Variants in MAD1L1 observed in about 807,000 individuals in gnomAD.
MAD1L1 encodes mitotic spindle assembly checkpoint protein MAD1.
A neutral mutation model predicts 96.9 loss-of-function variants in MAD1L1; 95 were observed. That is an observed-to-expected ratio of 0.98 (90% CI 0.83 to 1.16). The LOEUF (loss-of-function observed/expected upper bound fraction) is 1.16. MAD1L1 is among the 50% of genes most tolerant of loss of function. The pLI is 0.00. For missense variants in MAD1L1, 1,007 were observed against 954.4 expected (o/e 1.06, Z -0.73); for synonymous variants, 473 against 396.6 (o/e 1.19, Z -2.29).
chr7:1,867,540 TGAGTAGGA>T (rs1784835790), intron 18 of MAD1L1, among the ~76,000 whole-genome samples: 1 of 152,166 alleles, frequency 6.6e-6, no homozygotes, highest in Non-Finnish European at 1.5e-5. Flanking sequence ...AGGTGTGCAG[TGAGTAGGA>T]GCGAGGTGGG....
intron 11 of MAD1L1, among the ~76,000 whole-genome samples, chr7:2,072,981 CT>C (rs1383331156): frequency 6.6e-6 from 1 of 152,250 alleles, no homozygotes; most frequent in African/African-American, 2.4e-5. Flanking sequence ...AGAGCCCAGG[CT>C]CCCGGCACTT....
intron 11 of MAD1L1, among the ~76,000 whole-genome samples, chr7:2,111,728 G>T (rs1363317826): frequency 6.6e-6 from 1 of 152,196 alleles, no homozygotes; most frequent in East Asian, 1.9e-4. Flanking sequence ...GCCCTGTGGG[G>T]GCAGCTAAGC....
At chr7:2,099,594 G>A (rs377066478) in intron 11 of MAD1L1, among the ~76,000 whole-genome samples, 5 of 145,540 alleles carry the variant, frequency 3.4e-5, no homozygotes, top group African/African-American at 9.8e-5. Flanking sequence ...GAGCGTGGAC[G>A]GAAGTGAGCG....
chr7:1,935,878 G>A (rs563574995), intron 17 of MAD1L1, among the ~76,000 whole-genome samples: 2 of 152,248 alleles, frequency 1.3e-5, no homozygotes, highest in African/African-American at 4.8e-5. Context: ...CTCTAACACA[G>A]GAGCAAGGGG....
chr7:1,929,597 T>C (rs1021471904), intron 17 of MAD1L1, among the ~76,000 whole-genome samples: 2 of 152,056 alleles, frequency 1.3e-5, no homozygotes, highest in Non-Finnish European at 2.9e-5. Context: ...GGCCTCTTTA[T>C]GTGTTTCTGT....
chr7:1,851,538 C>G (rs1367055543), intron 18 of MAD1L1, among the ~76,000 whole-genome samples: 1 of 152,150 alleles, frequency 6.6e-6, no homozygotes. Flanking sequence ...GGCCCCGGGA[C>G]AGCACGGCTA....
intron 12 of MAD1L1, among the ~76,000 whole-genome samples, chr7:2,019,553 T>G (rs1245857719): frequency 2.0e-5 from 3 of 152,196 alleles, no homozygotes; most frequent in Non-Finnish European, 4.4e-5. Flanking sequence ...GCACCAGGAT[T>G]AATAAGTACA....
intron 6 of MAD1L1, among the ~76,000 whole-genome samples, chr7:2,218,575 C>T (rs957126092): frequency 2.6e-5 from 4 of 152,274 alleles, no homozygotes; most frequent in African/African-American, 9.6e-5. Context: ...TTCCCAGCCA[C>T]GCCCCCTCCA....
chr7:2,057,284 G>T (rs548803738), intron 12 of MAD1L1, among the ~76,000 whole-genome samples: 6 of 152,332 alleles, frequency 3.9e-5, no homozygotes, highest in Admixed American at 6.5e-5. Context: ...CCAGCACGTC[G>T]GGAAGCCAAG....
At chr7:2,186,584 T>C (rs1791469628) in intron 10 of MAD1L1, among the ~76,000 whole-genome samples, 1 of 152,186 alleles carries the variant, frequency 6.6e-6, no homozygotes, top group South Asian at 2.1e-4. Context: ...TCTGTACTGT[T>C]TGAGCTTTCT....
chr7:1,909,454 A>T (rs1349882307), intron 17 of MAD1L1, among the ~76,000 whole-genome samples: 1 of 152,244 alleles, frequency 6.6e-6, no homozygotes, highest in East Asian at 1.9e-4. Flanking sequence ...ATTAGCAGCC[A>T]TGGGCATGGG....
intron 10 of MAD1L1, among the ~76,000 whole-genome samples, chr7:2,153,853 G>A (rs1352191796): frequency 6.6e-6 from 1 of 152,220 alleles, no homozygotes; most frequent in African/African-American, 2.4e-5. Flanking sequence ...ATGCTATCCG[G>A]CCGTAAGAAA....
rs964997462 is a variant in MAD1L1, at chr7:2,108,959, G to A, written c.1074-39621C>T. On this transcript the variant is annotated intron_variant, in intron 11 of 18. Coordinates refer to ENST00000265854, the MANE Select transcript of MAD1L1 (RefSeq NM_001013836.2). Reference sequence around the variant, plus strand: ...CCGCGAGGGCTCGCAGGAAGAGCACGGGACAGACCAAACAGGCGCTACCAA... The same window carrying A: ...CCGCGAGGGCTCGCAGGAAGAGCACAGGACAGACCAAACAGGCGCTACCAA... 1.2e-4 allele frequency among the ~76,000 whole-genome samples: 18 copies of A among 152,240 alleles called. No homozygotes were observed. The East Asian group carries it at 2.3e-3, about 20-fold the overall frequency.
chr7:2,139,056 GC>G (rs1788894498), intron 11 of MAD1L1, among the ~76,000 whole-genome samples: 1 of 152,098 alleles, frequency 6.6e-6, no homozygotes, highest in South Asian at 2.1e-4. Flanking sequence ...CTCAGCAGAC[GC>G]CCCGGTACCG....
At chr7:2,171,743 G>A (rs545305017) in intron 10 of MAD1L1, among the ~76,000 whole-genome samples, 1 of 151,934 alleles carries the variant, frequency 6.6e-6, no homozygotes, top group East Asian at 1.9e-4. Context: ...ACACATATGG[G>A]TCACCTCCGC....
chr7:1,886,329 C>A (rs1786024582), intron 18 of MAD1L1, among the ~76,000 whole-genome samples: 1 of 152,254 alleles, frequency 6.6e-6, no homozygotes, highest in Admixed American at 6.5e-5. Flanking sequence ...CACAAGCCTG[C>A]TTCAGAAGGA....
At chr7:1,892,244 G>T (rs763821452) in intron 18 of MAD1L1, among the ~76,000 whole-genome samples, 7 of 152,236 alleles carry the variant, frequency 4.6e-5, no homozygotes, top group Non-Finnish European at 7.3e-5. Flanking sequence ...TGCGGCCCAA[G>T]GGTGCGGGAG....
chr7:1,828,193 T>C (rs1782526322), intron 18 of MAD1L1, among the ~76,000 whole-genome samples: 1 of 152,030 alleles, frequency 6.6e-6, no homozygotes. Context: ...GCACCTGCCA[T>C]CTGAAACAGC....
intron 18 of MAD1L1, chr7:1,847,443 A>T (rs1191495106): frequency 4.2e-6 from 2 of 470,842 alleles, no homozygotes; most frequent in South Asian, 3.1e-5. Flanking sequence ...GGAGACCTCT[A>T]CCCTTTAGCT....
Sources: gnomAD v4.1 joint callset for allele counts (sites outside exome capture counted in the v4.1 genomes callset) on GRCh38, gnomAD v4.1.1 for gene constraint, MANE v1.5 for transcripts, NCBI Gene and HGNC (gene_info 2026-07-23, HGNC 2026-07-21) for gene names.